DAXX: variants seen among roughly 807,000 people sequenced by gnomAD.
The protein encoded by DAXX is death domain-associated protein 6.
A neutral mutation model predicts 61.9 loss-of-function variants in DAXX; 24 were observed. The ratio of observed to expected loss-of-function variants is 0.39; its 90% confidence interval spans 0.28 to 0.55. The LOEUF is 0.55. Ranked by LOEUF, DAXX falls within the 20% of genes least tolerant of loss-of-function variation. The pLI is 0.69. For synonymous variants in DAXX, 357 were observed against 369.5 expected (o/e 0.97, Z 0.39); for missense variants, 819 against 935.3 (o/e 0.88, Z 1.62).
In DAXX at chr6:33,320,257, C is replaced by G. The variant is rs756964771; in HGVS notation, c.1252-33G>C. 6.4e-7 allele frequency: 1 copy of G among 1,552,486 alleles called. No homozygotes were observed. The highest frequency in any genetic ancestry group is 1.4e-5 in the African/African-American group (1 of 73,566). ...ACAAAGAAGTTTCTCTAAGGAATCC[C>G]TTGCCCCAGAGGGTTTGGTTCTTGC... On this transcript the variant is annotated intron_variant, in intron 4 of 7. Coordinates refer to ENST00000374542, the MANE Select transcript of DAXX (RefSeq NM_001141969.2). This position sits in a 1 kb window ranked among gnomAD's most constrained non-coding sequence, Gnocchi z 7.1.
At chr6:33,319,968 C>T (rs764132702) in intron 5 of DAXX, 43 bp downstream of exon 5, 2 of 1,612,006 alleles carry the variant, frequency 1.2e-6, no homozygotes, top group Admixed American at 1.7e-5. Context: ...TCATGCCTAA[C>T]AAAACAGAAA....
At position 33,319,628 on chromosome 6, in the gene DAXX, A is replaced by C; in HGVS notation, c.1692T>G (p.Ser564=). The C allele has an allele frequency of 6.2e-7, 1 of 1,613,800 alleles. No individual in the cohort carries two copies. The highest frequency in any genetic ancestry group is 8.5e-7 in the Non-Finnish European group (1 of 1,179,678). Residue 564 remains serine, a synonymous_variant, in exon 6 of 8, where the codon TCT becomes TCG. Transcript: ENST00000374542. ...ELTLEEESPV[S]QLFELEIEAL... ...CTTCAATCTCTAGCTCAAAGAGCTGAGACACAGGGCTTTCTTCCTCCAGGG... is the reference window on the plus strand; with the variant it reads ...CTTCAATCTCTAGCTCAAAGAGCTGCGACACAGGGCTTTCTTCCTCCAGGG...
rs1770288720 is a variant in DAXX, at chr6:33,319,693, T to C, written c.1627A>G (p.Ile543Val). 6.2e-7 allele frequency: 1 copy of C among 1,612,996 alleles called. No homozygotes were observed. Among genetic ancestry groups the C allele is most frequent in the Non-Finnish European group, 8.5e-7 (1 of 1,179,620 alleles). The change falls in exon 6 of 8, where the codon ATA becomes GTA. Residue 543 changes from isoleucine to valine, a missense_variant. Transcript: ENST00000374542. ...LSEEPLAPSSIDAESNGEQPE... is the reference protein window; with the variant it reads ...LSEEPLAPSSVDAESNGEQPE... ...TGTTCTCCATTGCTTTCAGCATCTA[T>C]GCTGGAGGGGGCCAGGGGTTCTTCT...
In DAXX at chr6:33,321,387, G is replaced by T; in HGVS notation, c.388C>A (p.Leu130Ile). 1 of 1,613,962 alleles carries T rather than the reference G, an allele frequency of 6.2e-7. No individual in the cohort carries two copies. Among genetic ancestry groups the T allele is most frequent in the Non-Finnish European group, 8.5e-7 (1 of 1,179,824 alleles). The change falls in exon 3 of 8, where the codon CTC becomes ATC. Residue 130 changes from leucine to isoleucine, a missense_variant. Transcript: ENST00000374542. The surrounding 1 kb of genome is among the most constrained non-coding windows in gnomAD (Gnocchi z 7.2). ...GAGTGGGCCTTGAGAACAGTGCAGAGCTCATTGATGTAGACATAGAGCTTG... is the reference window on the plus strand; with the variant it reads ...GAGTGGGCCTTGAGAACAGTGCAGATCTCATTGATGTAGACATAGAGCTTG... The part of the protein sequence containing the change: ...PAKLYVYINE[L>I]CTVLKAHSAK...
chr6:33,318,566 G>A lies in DAXX; in HGVS notation c.*177C>T. 2.3e-6 allele frequency: 1 copy of A among 434,626 alleles called. No homozygotes were observed. The highest frequency in any genetic ancestry group is 4.1e-6 in the Non-Finnish European group (1 of 246,180). The allele number at this position is 434,626 out of a possible 1,614,324, so 26.9% of individuals were successfully genotyped here. A position where few individuals can be genotyped will look rare whatever the true frequency, so the allele number is the denominator to read the frequency against. ...CAAGAAAAAGACAGTGATACAGTAA[G>A]AAAAGAACTTTATTGTTTATTAATG... is the stretch of plus-strand genomic sequence containing the variant. On this transcript the variant is annotated 3_prime_UTR_variant, in exon 8 of 8. Transcript: ENST00000374542.
chr6:33,321,354 T>A lies in DAXX; in HGVS notation c.421A>T (p.Lys141Ter). 6.2e-7 allele frequency: 1 copy of A among 1,613,462 alleles called. No individual in the cohort carries two copies. The highest frequency in any genetic ancestry group is 8.5e-7 in the Non-Finnish European group (1 of 1,179,384). ...GCGGCAGGGGCCAAGTTCAGCTTCT[T>A]TTTGGCTGAGTGGGCCTTGAGAACA... ...CTVLKAHSAK[K>*]KLNLAPAATT... The change falls in exon 3 of 8, where the codon AAG becomes TAG. Residue 141 changes from lysine (K) to a stop codon, truncating the protein, a stop_gained. Transcript: ENST00000374542. LOFTEE classifies it high-confidence loss of function. The surrounding 1 kb of genome is among the most constrained non-coding windows in gnomAD (Gnocchi z 7.2).
chr6:33,322,835 C>G, intron 1 of DAXX, 27 bp downstream of exon 1: 2 of 1,213,814 alleles, frequency 1.6e-6, no homozygotes, highest in Non-Finnish European at 2.3e-6. Flanking sequence ...GCCCCCGCCT[C>G]TGATCCCCGC....
In DAXX at chr6:33,319,028, TG is replaced by T. The variant is rs1443274655; in HGVS notation, c.2131del (p.His711IlefsTer55). ...PSPARLSQTPHSQPPRPGTCK... is the reference protein window; with the variant it reads ...PSPARLSQTPXSQPPRPGTCK... ...AGTACCAGGCCGAGGAGGCTGTGAATGGGGGGTTTGGGACAGCCGGGCTGGA... is the reference window on the plus strand; with the variant it reads ...AGTACCAGGCCGAGGAGGCTGTGAATGGGGGTTTGGGACAGCCGGGCTGGA... On this transcript the variant is annotated frameshift_variant, in exon 7 of 8. Transcript: ENST00000374542. LOFTEE classifies it high-confidence loss of function. 2 of 1,613,310 alleles carry T rather than the reference TG, an allele frequency of 1.2e-6. No homozygotes were observed. The highest frequency in any genetic ancestry group is 1.7e-6 in the Non-Finnish European group (2 of 1,179,948).
Position 33,320,450 on chromosome 6 carries a change from CTCTTT to C in DAXX, c.1176_1180del (p.Arg394SerfsTer22). On this transcript the variant is annotated frameshift_variant, in exon 4 of 8. Coordinates refer to ENST00000374542, the MANE Select transcript of DAXX (RefSeq NM_001141969.2). LOFTEE classifies it high-confidence loss of function. This position sits in a 1 kb window ranked among gnomAD's most constrained non-coding sequence, Gnocchi z 7.1. ...AGAGGTGCCTTGGAGCCGAGCTCTTCTCTTTTTTCTCTCGCCCTCCTCACTTTTGT... is the reference window on the plus strand; with the variant it reads ...AGAGGTGCCTTGGAGCCGAGCTCTTCTTTCTCTCGCCCTCCTCACTTTTGT... 1 of 1,613,952 alleles carries C rather than the reference CTCTTT, an allele frequency of 6.2e-7. No homozygotes were observed. Among genetic ancestry groups the C allele is most frequent in the Non-Finnish European group, 8.5e-7 (1 of 1,179,832 alleles).
chr6:33,322,424 ACT>A lies in DAXX; in HGVS notation c.-53+436_-53+437del, dbSNP rs1397976390. 2.7e-5 allele frequency among the ~76,000 whole-genome samples: 4 copies of A among 150,736 alleles called. No homozygotes were observed. In the East Asian group the frequency reaches 7.8e-4, roughly 29 times the overall value. On this transcript the variant is annotated intron_variant, in intron 1 of 7. Coordinates refer to ENST00000374542, the MANE Select transcript of DAXX (RefSeq NM_001141969.2). ...CCTGAATGATCACCCCAACTCCTAG[ACT>A]CTCTGAGGTGAAAGAGGTTCCCTCC...
chr6:33,321,894 T>C lies in DAXX; in HGVS notation c.32A>G (p.Asp11Gly). The change falls in exon 2 of 8, where the codon GAT becomes GGT. Residue 11 changes from aspartate (D) to glycine (G), a missense_variant. Asp to Gly is a moderately conservative substitution (Grantham distance 94). Transcript: ENST00000374542. The surrounding 1 kb of genome is among the most constrained non-coding windows in gnomAD (Gnocchi z 7.2). The stretch of plus-strand genomic sequence containing the variant: ...AGCTGCTTCATCTTCGTCATCATCA[T>C]CCAGCACGATGATGCTGTTAGCGGT... MATANSIIVL[D>G]DDDEDEAAAQ... The C allele has an allele frequency of 6.2e-7, 1 of 1,610,432 alleles. No homozygotes were observed. The highest frequency in any genetic ancestry group is 8.5e-7 in the Non-Finnish European group (1 of 1,177,794).
chr6:33,321,994 C>T lies in DAXX; in HGVS notation c.-52-17G>A. 1 of 1,536,304 alleles carries T rather than the reference C, an allele frequency of 6.5e-7. No individual in the cohort carries two copies. Among genetic ancestry groups the T allele is most frequent in the Non-Finnish European group, 8.8e-7 (1 of 1,142,576 alleles). ...GAATTCCTGCTGGAAGGGGATGGGG[C>T]CTCAGAATGAGCCCCTCCAGCATAG... On this transcript the variant is annotated splice_polypyrimidine_tract_variant and intron_variant, in intron 1 of 7. Transcript: ENST00000374542. The surrounding 1 kb of genome is among the most constrained non-coding windows in gnomAD (Gnocchi z 7.2).
rs780262381 is a variant in DAXX, at chr6:33,320,546, C to G, written c.1085G>C (p.Arg362Pro). ...LSDPVLARRLRENRSLAMSRL... is the reference protein window; with the variant it reads ...LSDPVLARRLPENRSLAMSRL... ...ACTCATGGCCAAACTCCGGTTTTCCCGAAGGCGCCGGGCCAACACAGGATC... is the reference window on the plus strand; with the variant it reads ...ACTCATGGCCAAACTCCGGTTTTCCGGAAGGCGCCGGGCCAACACAGGATC... The change falls in exon 4 of 8, where the codon CGG (arginine) becomes CCG (proline). Residue 362 changes from arginine to proline, a missense_variant. By Grantham distance (103) the Arg-to-Pro change is moderately radical (BLOSUM62 -2). Coordinates refer to ENST00000374542, the MANE Select transcript of DAXX (RefSeq NM_001141969.2). This position sits in a 1 kb window ranked among gnomAD's most constrained non-coding sequence, Gnocchi z 7.1. 1 of 1,614,036 alleles carries G rather than the reference C, an allele frequency of 6.2e-7. No homozygotes were observed. Among genetic ancestry groups the G allele is most frequent in the Non-Finnish European group, 8.5e-7 (1 of 1,180,018 alleles).
chr6:33,321,090 T>G lies in DAXX; in HGVS notation c.685A>C (p.Lys229Gln). Residue 229 changes from lysine to glutamine, a missense_variant, in exon 3 of 8, where the codon AAG (lysine) becomes CAG (glutamine). Coordinates refer to ENST00000374542, the MANE Select transcript of DAXX (RefSeq NM_001141969.2). The surrounding 1 kb of genome is among the most constrained non-coding windows in gnomAD (Gnocchi z 7.2). ...DSAYLQEARL[K>Q]RKLIRLFGRL... ...CCAAAGAGGCGGATCAGCTTACGCT[T>G]CAACCGTGCCTCCTGCAGGTATGCG... 6.2e-7 allele frequency: 1 copy of G among 1,613,020 alleles called. No individual in the cohort carries two copies. Among genetic ancestry groups the G allele is most frequent in the Non-Finnish European group, 8.5e-7 (1 of 1,178,942 alleles).
chr6:33,320,125 C>T lies in DAXX; in HGVS notation c.1351G>A (p.Glu451Lys), dbSNP rs779489722. ...GTGGCCTCCTCCTCTTCTTCTTCCT[C>T]CTCCTCCTCCTCTTCCTCATCACTC... ...EESDEEEEEEEEEEEEEATDS... is the reference protein window; with the variant it reads ...EESDEEEEEEKEEEEEEATDS... Residue 451 changes from glutamate (E) to lysine (K), a missense_variant, in exon 5 of 8, where the codon GAG becomes AAG. Coordinates refer to ENST00000374542, the MANE Select transcript of DAXX (RefSeq NM_001141969.2). The surrounding 1 kb of genome is among the most constrained non-coding windows in gnomAD (Gnocchi z 7.1). 2 of 1,613,780 alleles carry T rather than the reference C, an allele frequency of 1.2e-6. No homozygotes were observed. Among genetic ancestry groups the T allele is most frequent in the Non-Finnish European group, 1.7e-6 (2 of 1,179,810 alleles).
rs374633436 is a variant in DAXX, at chr6:33,321,157, C to T, written c.618G>A (p.Gln206=). Residue 206 remains glutamine, a synonymous_variant, in exon 3 of 8, where the codon CAG becomes CAA. Coordinates refer to ENST00000374542, the MANE Select transcript of DAXX (RefSeq NM_001141969.2). The surrounding 1 kb of genome is among the most constrained non-coding windows in gnomAD (Gnocchi z 7.2). ...ATTCTGAGAGATCCAACTCCTTTTC[C>T]TGCAGCCGCCGGATCTCTGCCACAT... The part of the protein sequence containing the change: ...ALYVAEIRRL[Q]EKELDLSELD... The T allele has an allele frequency of 1.9e-6, 3 of 1,613,762 alleles. No individual in the cohort carries two copies. The highest frequency in any genetic ancestry group is 1.3e-5 in the African/African-American group (1 of 74,918).
Position 33,321,972 on chromosome 6 carries a change from T to C in DAXX, c.-47A>G, listed in dbSNP as rs1448082120. On this transcript the variant is annotated 5_prime_UTR_variant, in exon 2 of 8. Transcript: ENST00000374542. This position sits in a 1 kb window ranked among gnomAD's most constrained non-coding sequence, Gnocchi z 7.2. The stretch of plus-strand genomic sequence containing the variant: ...GGAGGAAGTGGTGGGGATTTCAGAA[T>C]TCCTGCTGGAAGGGGATGGGGCCTC... 1 of 1,575,030 alleles carries C rather than the reference T, an allele frequency of 6.3e-7. No individual in the cohort carries two copies. The highest frequency in any genetic ancestry group is 1.1e-5 in the South Asian group (1 of 88,698).
Position 33,321,472 on chromosome 6 carries a change from G to A in DAXX, c.303C>T (p.Ala101=), listed in dbSNP as rs1440982812. Residue 101 remains alanine, a synonymous_variant, in exon 3 of 8, where the codon GCC becomes GCT. Transcript: ENST00000374542. This position sits in a 1 kb window ranked among gnomAD's most constrained non-coding sequence, Gnocchi z 7.2. ...AGAGGATGTTGCAGAACTCCGCCGA[G>A]GCCAAAAACAGAGAGTGGGCACGTT... The part of the protein sequence containing the change: ...RQQRAHSLFL[A]SAEFCNILSR... 3 of 1,613,984 alleles carry A rather than the reference G, an allele frequency of 1.9e-6. No individual in the cohort carries two copies. The highest frequency in any genetic ancestry group is 2.5e-6 in the Non-Finnish European group (3 of 1,180,014).
chr6:33,320,337 G>A lies in DAXX; in HGVS notation c.1251+43C>T. On this transcript the variant is annotated intron_variant, in intron 4 of 7. Coordinates refer to ENST00000374542, the MANE Select transcript of DAXX (RefSeq NM_001141969.2). The surrounding 1 kb of genome is among the most constrained non-coding windows in gnomAD (Gnocchi z 7.1). The stretch of plus-strand genomic sequence containing the variant: ...CCTGGACTCCCTGGTGGCCAGTGCA[G>A]GGGAAGGACAATGTCTCTCTGAAGG... The A allele has an allele frequency of 1.3e-6, 2 of 1,495,226 alleles. No individual in the cohort carries two copies. Among genetic ancestry groups the A allele is most frequent in the Non-Finnish European group, 1.9e-6 (2 of 1,071,296 alleles). The allele number at this position is 1,495,226 out of a possible 1,614,324, so 92.6% of individuals were successfully genotyped here.
Sources: allele counts gnomAD v4.1 joint callset (sites outside exome capture counted in the v4.1 genomes callset), GRCh38; gene constraint gnomAD v4.1.1; non-coding constraint Gnocchi (gnomAD v3.1); transcripts MANE v1.5; gene names NCBI Gene and HGNC (gene_info 2026-07-23, HGNC 2026-07-21).